Variants in WIPI2 observed in about 807,000 individuals in gnomAD.
The protein encoded by WIPI2 is WD repeat domain, phosphoinositide interacting 2, also known as WD repeat domain phosphoinositide-interacting protein 2.
Under a neutral mutation model 52.3 loss-of-function variants are expected in WIPI2, and 28 were observed. The ratio of observed to expected loss-of-function variants is 0.54; its 90% confidence interval spans 0.40 to 0.73. The LOEUF (loss-of-function observed/expected upper bound fraction) is 0.73, where lower values mean the gene tolerates loss of function less well. Ranked by LOEUF, WIPI2 falls within the 30% of genes least tolerant of loss-of-function variation. WIPI2 has a pLI of 0.00. For missense variants in WIPI2, 506 were observed against 602.9 expected (o/e 0.84, Z 1.68); for synonymous variants, 268 against 245.0 (o/e 1.09, Z -0.88).
chr7:5,229,896 G>T (rs910396568), intron 12 of WIPI2, among the ~76,000 whole-genome samples, 158 bp downstream of exon 12: 1 of 151,694 alleles, frequency 6.6e-6, no homozygotes, highest in Non-Finnish European at 1.5e-5. Flanking sequence ...GTGTTCCCAA[G>T]GCCTCTCTCA....
Position 5,214,267 on chromosome 7 carries a change from C to A in WIPI2, c.212-268C>A, listed in dbSNP as rs1458689863. Reference sequence around the variant, plus strand: ...TCCTAAACTCACCATTCAAATCCAGCAACAGAACTGACTGAAAGGAACCTT... The same window carrying A: ...TCCTAAACTCACCATTCAAATCCAGAAACAGAACTGACTGAAAGGAACCTT... On this transcript the variant is annotated intron_variant, in intron 3 of 12. Coordinates refer to ENST00000288828, the MANE Select transcript of WIPI2 (RefSeq NM_015610.4). 4.2e-6 allele frequency: 6 copies of A among 1,424,680 alleles called. No homozygotes were observed. In the Admixed American group the frequency reaches 1.4e-4, roughly 34 times the overall value. The allele number at this position is 1,424,680 out of a possible 1,614,324, so 88.3% of individuals were successfully genotyped here.
intron 1 of WIPI2, among the ~76,000 whole-genome samples, chr7:5,191,514 G>A (rs1218174938): frequency 6.6e-6 from 1 of 152,150 alleles, no homozygotes; most frequent in African/African-American, 2.4e-5. Context: ...ATGCCAGCCC[G>A]TGCATTCGGA....
At chr7:5,195,175 C>T (rs749633383) in intron 2 of WIPI2, among the ~76,000 whole-genome samples, 3 of 152,118 alleles carry the variant, frequency 2.0e-5, no homozygotes, top group East Asian at 3.9e-4. Flanking sequence ...GCTAGTTTTC[C>T]CCTTTGTCAA....
chr7:5,208,746 CTT>C (rs1354253025), intron 3 of WIPI2, among the ~76,000 whole-genome samples: 1 of 152,048 alleles, frequency 6.6e-6, no homozygotes, highest in Non-Finnish European at 1.5e-5. Context: ...TTTCTGGACT[CTT>C]TAGTCTCTTC....
intron 4 of WIPI2, among the ~76,000 whole-genome samples, chr7:5,215,308 T>C (rs1428007924): frequency 6.6e-6 from 1 of 152,032 alleles, no homozygotes; most frequent in Non-Finnish European, 1.5e-5. Context: ...TGAGACTTCG[T>C]CTCAAAAAAA....
chr7:5,197,693 A>G (rs1261655893), intron 2 of WIPI2, among the ~76,000 whole-genome samples: 3 of 152,196 alleles, frequency 2.0e-5, no homozygotes, highest in Non-Finnish European at 4.4e-5. Context: ...GTAGTTGGAA[A>G]TCTCAAGTTT....
chr7:5,211,669 G>A, intron 3 of WIPI2, among the ~76,000 whole-genome samples: 1 of 152,102 alleles, frequency 6.6e-6, no homozygotes. Flanking sequence ...GGAGAGGCCA[G>A]TGGATTTAAA....
In WIPI2 at chr7:5,227,547, C is replaced by T. The variant is rs1302114376; in HGVS notation, c.1013+203C>T. On this transcript the variant is annotated intron_variant, in intron 10 of 12. Transcript: ENST00000288828. The surrounding 1 kb of genome is among the most constrained non-coding windows in gnomAD (Gnocchi z 8.1). ...GTGCGGGGGTCCATTTCCAGACGGGCTCCCGTTCTGTTTTTGTGGATAGTC... is the reference window on the plus strand; with the variant it reads ...GTGCGGGGGTCCATTTCCAGACGGGTTCCCGTTCTGTTTTTGTGGATAGTC... Among the ~76,000 whole-genome samples the T allele has an allele frequency of 6.6e-6, 1 of 152,220 alleles. No individual in the cohort carries two copies. The highest frequency in any genetic ancestry group is 1.5e-5 in the Non-Finnish European group (1 of 68,044).
chr7:5,195,967 G>A (rs904607714), intron 2 of WIPI2, among the ~76,000 whole-genome samples: 1 of 151,880 alleles, frequency 6.6e-6, no homozygotes, highest in African/African-American at 2.4e-5. Flanking sequence ...TGAACCGGGA[G>A]GCTGAGGTTG....
intron 10 of WIPI2, 100 bp from the exon 11 acceptor site, chr7:5,228,004 C>G: frequency 9.1e-7 from 1 of 1,093,306 alleles, no homozygotes; most frequent in Non-Finnish European, 1.4e-6. Context: ...GCTCATCTTG[C>G]TGGGGTCTCT....
At chr7:5,216,017 A>G (rs551327452) in intron 4 of WIPI2, among the ~76,000 whole-genome samples, 3 of 152,332 alleles carry the variant, frequency 2.0e-5, no homozygotes, top group Admixed American at 1.3e-4. Context: ...GTAGGTTAGC[A>G]TTTGCCTAAC....
chr7:5,214,277 G>A, intron 3 of WIPI2: 1 of 1,458,572 alleles, frequency 6.9e-7, no homozygotes, highest in South Asian at 1.3e-5. Flanking sequence ...CAACAGAACT[G>A]ACTGAAAGGA....
intron 12 of WIPI2, 122 bp downstream of exon 12, chr7:5,229,860 A>C (rs1783639839): frequency 7.1e-7 from 1 of 1,401,810 alleles, no homozygotes; most frequent in Admixed American, 2.4e-5. Context: ...ACTGGTTCTG[A>C]GAACATAAGC....
chr7:5,226,363 G>A (rs1444361353), intron 9 of WIPI2: 1 of 190,276 alleles, frequency 5.3e-6, no homozygotes, highest in Non-Finnish European at 1.1e-5. Context: ...AGCATGAGGG[G>A]GGTCTTATCT....
At chr7:5,194,366 A>G (rs914902665) in intron 2 of WIPI2, among the ~76,000 whole-genome samples, 1 of 152,200 alleles carries the variant, frequency 6.6e-6, no homozygotes, top group Non-Finnish European at 1.5e-5. Flanking sequence ...GCTTCTCCGC[A>G]AAGATGATGA....
At chr7:5,226,382 G>A (rs1405424694) in intron 9 of WIPI2, 1 of 181,302 alleles carries the variant, frequency 5.5e-6, no homozygotes, top group African/African-American at 2.4e-5. Context: ...CTTTTAAGAG[G>A]GGCTTACTCT....
At chr7:5,194,017 C>T (rs909948641) in intron 2 of WIPI2, among the ~76,000 whole-genome samples, 6 of 152,212 alleles carry the variant, frequency 3.9e-5, no homozygotes, top group African/African-American at 9.7e-5. Flanking sequence ...GAGACTGTCT[C>T]GCCATCAGGA....
intron 2 of WIPI2, among the ~76,000 whole-genome samples, chr7:5,199,177 G>A (rs1781905850): frequency 6.6e-6 from 1 of 151,704 alleles, no homozygotes; most frequent in Non-Finnish European, 1.5e-5. Context: ...GGACTACAAG[G>A]GCACCACCAT....
Position 5,233,791 on chromosome 7 carries a change from G to A in WIPI2, c.*2844G>A, listed in dbSNP as rs575058266. ...ACGCCCAGCTCGGTGCCCAGCCAGC[G>A]GTGGGCACCCAATAAACGCTACAAC... On this transcript the variant is annotated 3_prime_UTR_variant, in exon 13 of 13. Coordinates refer to ENST00000288828, the MANE Select transcript of WIPI2 (RefSeq NM_015610.4). 12 of 152,346 alleles carry A rather than the reference G, an allele frequency of 7.9e-5. No homozygotes were observed. The highest frequency in any genetic ancestry group is 4.1e-4 in the South Asian group (2 of 4,828). The allele number at this position is 152,346 out of a possible 1,614,324, so 9.4% of individuals were successfully genotyped here.
Sources: gnomAD v4.1 joint callset for allele counts (sites outside exome capture counted in the v4.1 genomes callset) on GRCh38, gnomAD v4.1.1 for gene constraint, Gnocchi (gnomAD v3.1) non-coding constraint, MANE v1.5 for transcripts, NCBI Gene and HGNC (gene_info 2026-07-23, HGNC 2026-07-21) for gene names.